USP12: variants seen among roughly 807,000 people sequenced by gnomAD.
USP12 encodes ubiquitin specific peptidase 12.
USP12 carries 19 observed loss-of-function variants against 45.5 expected under a neutral mutation model. The ratio of observed to expected loss-of-function variants is 0.42; its 90% CI spans 0.29 to 0.61. The LOEUF is 0.61. Ranked by LOEUF, USP12 falls within the 20% of genes least tolerant of loss-of-function variation. USP12 has a pLI of 0.22. For synonymous variants in USP12, 149 were observed against 148.8 expected, an observed-to-expected ratio of 1.00 and a Z score of -0.01; for missense variants, 242 against 447.7, an observed-to-expected ratio of 0.54 and a Z score of 4.15.
At chr13:27,131,038 C>T (rs995543869) in intron 1 of USP12, among the ~76,000 whole-genome samples, 4 of 152,212 alleles carry the variant, frequency 2.6e-5, no homozygotes, top group Non-Finnish European at 5.9e-5. Flanking sequence ...AGCTGAATGA[C>T]ACTCAAAGTT....
chr13:27,155,062 A>C (rs563362746), intron 1 of USP12, among the ~76,000 whole-genome samples: 7 of 106,962 alleles, frequency 6.5e-5, no homozygotes, highest in South Asian at 3.3e-4. Context: ...TCTGATGTCC[A>C]CAACTTTTTT....
At chr13:27,104,957 T>C (rs1413760861) in intron 3 of USP12, among the ~76,000 whole-genome samples, 1 of 152,210 alleles carries the variant, frequency 6.6e-6, no homozygotes, top group African/African-American at 2.4e-5. Flanking sequence ...AAATTCCATT[T>C]GAATTTTTGA....
intron 2 of USP12, among the ~76,000 whole-genome samples, chr13:27,115,205 CTGCT>C (rs1047854281): frequency 8.5e-5 from 13 of 152,096 alleles, no homozygotes; most frequent in Admixed American, 8.5e-4. Context: ...AGTTTCTCTC[CTGCT>C]TGTCTTAATT....
chr13:27,152,941 CAAAAA>C (rs11306580), intron 1 of USP12, among the ~76,000 whole-genome samples: 3 of 92,830 alleles, frequency 3.2e-5, no homozygotes, highest in Non-Finnish European at 2.2e-5. Flanking sequence ...GACTCCGTCT[CAAAAA>C]AAAAAAAAAA....
intron 1 of USP12, among the ~76,000 whole-genome samples, chr13:27,159,314 C>G (rs1877994731): frequency 6.6e-6 from 1 of 152,118 alleles, no homozygotes; most frequent in South Asian, 2.1e-4. Flanking sequence ...TATCTACCAC[C>G]CCATTTCTAA....
At chr13:27,144,499 TAA>T (rs56311173) in intron 1 of USP12, among the ~76,000 whole-genome samples, 52,052 of 117,378 alleles carry the variant, frequency 0.44, 11,494 homozygotes, top group South Asian at 0.73. Context: ...AGACTCTCTT[TAA>T]AAAAAAAAAA....
rs1260536070 is a variant in USP12 at position 27,105,732 on chromosome 13, A to G, written c.342T>C (p.Asn114=). ...KKFITRLRKE[N]ELFDNYMQQD... ...TAATACAGTGGGAAGTAGAATTACC[A>G]TTTTCTTTCCGTAATCTTGTGATGA... The change falls in exon 3 of 9, where the codon AAT becomes AAC. Residue 114 remains asparagine (N), a splice_region_variant and synonymous_variant. Coordinates refer to ENST00000282344, the MANE Select transcript of USP12 (RefSeq NM_182488.4). The G allele has an allele frequency of 1.2e-6, 2 of 1,612,576 alleles. No individual in the cohort carries two copies. Among genetic ancestry groups the G allele is most frequent in the Admixed American group, 3.3e-5 (2 of 59,942 alleles).
intron 3 of USP12, among the ~76,000 whole-genome samples, chr13:27,102,898 G>A (rs1008774361): frequency 9.9e-5 from 15 of 152,218 alleles, no homozygotes; most frequent in African/African-American, 3.1e-4. Context: ...CAAACACTCA[G>A]CTAGCATCCA....
intron 7 of USP12, among the ~76,000 whole-genome samples, chr13:27,074,824 T>C (rs972139291): frequency 6.6e-6 from 1 of 152,174 alleles, no homozygotes; most frequent in African/African-American, 2.4e-5. Context: ...TTTAAAATGC[T>C]TTTTACAACC....
intron 4 of USP12, among the ~76,000 whole-genome samples, chr13:27,092,739 A>G (rs543262594): frequency 2.0e-5 from 3 of 152,340 alleles, no homozygotes; most frequent in African/African-American, 7.2e-5. Context: ...CATAGACTTA[A>G]ATATAAAATG....
Position 27,069,200 on chromosome 13 carries a change from T to C in USP12, c.*83A>G. On this transcript the variant is annotated 3_prime_UTR_variant, in exon 9 of 9. Coordinates refer to ENST00000282344, the MANE Select transcript of USP12 (RefSeq NM_182488.4). ...CCCTGAGCTTCCTGCATTTCTCTTT[T>C]CTTGAAAAATCAGTGCTTGATCCTT... 4 of 1,226,566 alleles carry C rather than the reference T, an allele frequency of 3.3e-6. No homozygotes were observed. Among genetic ancestry groups the C allele is most frequent in the Non-Finnish European group, 4.8e-6 (4 of 840,584 alleles). The allele number at this position is 1,226,566 out of a possible 1,614,324, so 76.0% of individuals were successfully genotyped here.
At chr13:27,137,168 C>T (rs779065358) in intron 1 of USP12, among the ~76,000 whole-genome samples, 4 of 152,134 alleles carry the variant, frequency 2.6e-5, no homozygotes, top group African/African-American at 7.2e-5. Context: ...AATATATTCC[C>T]TCAATTCCTT....
intron 1 of USP12, among the ~76,000 whole-genome samples, chr13:27,126,190 G>A (rs1876229146): frequency 6.6e-6 from 1 of 152,222 alleles, no homozygotes; most frequent in South Asian, 2.1e-4. Context: ...CTGACTGGGA[G>A]TGCAGCCTGA....
chr13:27,112,876 A>G (rs1875523058), intron 2 of USP12, among the ~76,000 whole-genome samples: 1 of 152,250 alleles, frequency 6.6e-6, no homozygotes, highest in Admixed American at 6.5e-5. Context: ...CCAATGGATC[A>G]TCTTACACAC....
At chr13:27,118,701 C>T (rs1875852354) in intron 1 of USP12, among the ~76,000 whole-genome samples, 2 of 152,158 alleles carry the variant, frequency 1.3e-5, no homozygotes, top group African/African-American at 4.8e-5. Flanking sequence ...AAGGTGCCAT[C>T]AACCAAAATA....
At chr13:27,097,984 CTTTT>C (rs71083630) in intron 3 of USP12, among the ~76,000 whole-genome samples, 6 of 116,630 alleles carry the variant, frequency 5.1e-5, no homozygotes, top group Admixed American at 8.8e-5. Context: ...TTATATAGTA[CTTTT>C]TTTTTTTTTT....
chr13:27,080,447 G>C (rs983125233), intron 6 of USP12, among the ~76,000 whole-genome samples: 3 of 152,212 alleles, frequency 2.0e-5, no homozygotes, highest in African/African-American at 7.2e-5. Flanking sequence ...CAGATACTCA[G>C]AGATGGACTG....
chr13:27,079,363 G>A (rs73497349), intron 6 of USP12, among the ~76,000 whole-genome samples: 9,990 of 152,146 alleles, frequency 0.066, 790 homozygotes, highest in East Asian at 0.27. Flanking sequence ...AAGGTAGCTG[G>A]GGTTTTATAT....
At chr13:27,165,037 T>A (rs1222585635) in intron 1 of USP12, among the ~76,000 whole-genome samples, 2 of 141,386 alleles carry the variant, frequency 1.4e-5, no homozygotes, top group Non-Finnish European at 3.0e-5. Context: ...GTTCTAGTAA[T>A]GACAAAAAGC....
Sources: gnomAD v4.1 joint callset for allele counts (sites outside exome capture counted in the v4.1 genomes callset) on GRCh38, gnomAD v4.1.1 for gene constraint, MANE v1.5 for transcripts, NCBI Gene and HGNC (gene_info 2026-07-23, HGNC 2026-07-21) for gene names.